The following ZNF44 variants were observed in gnomAD, a reference collection of about 807,000 sequenced individuals.
ZNF44 encodes the protein gonadotropin inducible transcription repressor-2.
A neutral mutation model predicts 11.7 loss-of-function variants in ZNF44; 9 were observed. The ratio of observed to expected loss-of-function variants is 0.77; its 90% confidence interval spans 0.46 to 1.35. The LOEUF is 1.35. Ranked by LOEUF, ZNF44 falls within the 40% of genes most tolerant of loss-of-function variation. The pLI, the probability that ZNF44 is intolerant of heterozygous loss-of-function variation, is 0.00. For missense variants in ZNF44, 696 were observed against 743.1 expected, an observed-to-expected ratio of 0.94 and a Z score of 0.74; for synonymous variants, 224 against 242.7, an observed-to-expected ratio of 0.92 and a Z score of 0.72.
Position 12,274,064 on chromosome 19 carries a change from C to A in ZNF44, c.192-1G>T. On this transcript the variant is annotated splice_acceptor_variant, in intron 3 of 3. Transcript: ENST00000355684. LOFTEE classifies it high-confidence loss of function. ...ACCAAATCTCTCTACCACATCACAC[C>A]TGTAAAAAATGAAAAGTACATTACT... 1.9e-6 allele frequency: 3 copies of A among 1,595,572 alleles called. No individual in the cohort carries two copies. Among genetic ancestry groups the A allele is most frequent in the Non-Finnish European group, 2.6e-6 (3 of 1,170,714 alleles).
intron 1 of ZNF44, among the ~76,000 whole-genome samples, chr19:12,286,349 T>C (rs952455901): frequency 2.2e-4 from 34 of 151,800 alleles, no homozygotes; most frequent in East Asian, 3.9e-4. Flanking sequence ...AAACAGGCCA[T>C]TGGAGGCCGG....
Position 12,274,047 on chromosome 19 carries a change from T to C in ZNF44, c.208A>G (p.Arg70Gly). 6.2e-7 allele frequency: 1 copy of C among 1,611,732 alleles called. No individual in the cohort carries two copies. The highest frequency in any genetic ancestry group is 8.5e-7 in the Non-Finnish European group (1 of 1,178,272). Residue 70 changes from arginine (R) to glycine (G), a missense_variant, in exon 4 of 4, where the codon AGA becomes GGA. Arg to Gly is a moderately radical substitution (Grantham distance 125). Transcript: ENST00000355684. Reference sequence around the variant, plus strand: ...CTACCATCTTTACTTTTACCAAATCTCTCTACCACATCACACCTGTAAAAA... The same window carrying C: ...CTACCATCTTTACTTTTACCAAATCCCTCTACCACATCACACCTGTAAAAA... ...RRNPRCDVVE[R>G]FGKSKDGSQC...
intron 5 of ZNF44, among the ~76,000 whole-genome samples, chr19:12,261,829 C>T (rs535706483): frequency 6.6e-6 from 1 of 152,156 alleles, no homozygotes; most frequent in Non-Finnish European, 1.5e-5. Flanking sequence ...TAAGTTTTCT[C>T]AACCCACACT....
At chr19:12,290,697 C>A (rs1339066870) in intron 1 of ZNF44, among the ~76,000 whole-genome samples, 1 of 142,566 alleles carries the variant, frequency 7.0e-6, no homozygotes, top group East Asian at 2.1e-4. Context: ...GAGACTCTAC[C>A]TCAAATAAAT....
intron 1 of ZNF44, chr19:12,293,376 C>G (rs1399713666): frequency 6.5e-7 from 1 of 1,535,980 alleles, no homozygotes; most frequent in Admixed American, 2.0e-5. Context: ...AACACAGGGC[C>G]TGGAAAAGAT....
At chr19:12,294,104 T>C (rs1002416646) in intron 1 of ZNF44, among the ~76,000 whole-genome samples, 3 of 152,156 alleles carry the variant, frequency 2.0e-5, no homozygotes, top group African/African-American at 4.8e-5. Context: ...GTCTAAGTTC[T>C]TTCTCAGATC....
intron 5 of ZNF44, among the ~76,000 whole-genome samples, chr19:12,253,872 G>C (rs919389242): frequency 2.0e-4 from 31 of 152,158 alleles, no homozygotes; most frequent in Non-Finnish European, 3.4e-4. Flanking sequence ...CCAGCTACTC[G>C]GGAGGCTGAT....
chr19:12,248,923 TCACTCTGTCACCCAGGCTA>T lies in ZNF44; in HGVS notation c.*187-264_*187-246del, dbSNP rs556528663. Among the ~76,000 whole-genome samples the T allele has an allele frequency of 5.3e-5, 8 of 149,956 alleles. No individual in the cohort carries two copies. The South Asian group carries it at 1.5e-3, about 28-fold the overall frequency. On this transcript the variant is annotated intron_variant and NMD_transcript_variant, in intron 7 of 7. Transcript: ENST00000393337. ...TTTTTTTTTTTTTTGAGACGGAGTCTCACTCTGTCACCCAGGCTACACTCTGTCGCCCAGGCTGGAGTGC... is the reference window on the plus strand; with the variant it reads ...TTTTTTTTTTTTTTGAGACGGAGTCTCACTCTGTCGCCCAGGCTGGAGTGC...
intron 5 of ZNF44, among the ~76,000 whole-genome samples, chr19:12,261,816 C>A (rs989415327): frequency 6.6e-6 from 1 of 152,096 alleles, no homozygotes; most frequent in Non-Finnish European, 1.5e-5. Flanking sequence ...GATATTCTAG[C>A]AGTAAGTTTT....
chr19:12,278,431 G>A (rs1441408770), intron 1 of ZNF44, among the ~76,000 whole-genome samples: 1 of 152,186 alleles, frequency 6.6e-6, no homozygotes, highest in Non-Finnish European at 1.5e-5. Context: ...TTCTGTGTGT[G>A]TGTGTCTTTA....
chr19:12,292,265 G>T (rs546209742), intron 1 of ZNF44, among the ~76,000 whole-genome samples: 2 of 152,030 alleles, frequency 1.3e-5, no homozygotes, highest in Non-Finnish European at 2.9e-5. Flanking sequence ...AGCCATGATG[G>T]TGCCACTACA....
intron 5 of ZNF44, chr19:12,266,429 C>G (rs1390051762): frequency 1.3e-6 from 1 of 777,682 alleles, no homozygotes; most frequent in African/African-American, 1.9e-5. Context: ...GAAAAAAAAC[C>G]CAAACCCACG....
Position 12,273,518 on chromosome 19 carries a change from A to AT in ZNF44, c.736dup (p.Ile246AsnfsTer9). ...TTCATACGGTTTCTCCCCAGTGTGT[A>AT]TTTTTTCATGTCTTAGATAGGAACT... On this transcript the variant is annotated frameshift_variant, in exon 4 of 4. Coordinates refer to ENST00000355684, the MANE Select transcript of ZNF44 (RefSeq NM_016264.4). LOFTEE classifies it low-confidence loss of function (END_TRUNC). 1.2e-6 allele frequency: 2 copies of AT among 1,613,372 alleles called. No individual in the cohort carries two copies. The highest frequency in any genetic ancestry group is 1.3e-5 in the African/African-American group (1 of 74,750).
downstream of ZNF44, among the ~76,000 whole-genome samples, chr19:12,245,185 G>A (rs1411487235): frequency 6.6e-6 from 1 of 152,006 alleles, no homozygotes; most frequent in Non-Finnish European, 1.5e-5. Context: ...TATGCAAATG[G>A]TAATACTGAC....
chr19:12,287,613 T>C (rs1244849210), intron 1 of ZNF44, among the ~76,000 whole-genome samples: 1 of 152,214 alleles, frequency 6.6e-6, no homozygotes, highest in African/African-American at 2.4e-5. Flanking sequence ...TCCCATTCCA[T>C]CCATATTGTT....
chr19:12,273,845 G>C lies in ZNF44; in HGVS notation c.410C>G (p.Ala137Gly). 1 of 1,614,148 alleles carries C rather than the reference G, an allele frequency of 6.2e-7. No individual in the cohort carries two copies. The highest frequency in any genetic ancestry group is 8.5e-7 in the Non-Finnish European group (1 of 1,180,026). The stretch of plus-strand genomic sequence containing the variant: ...CTGCTTATGTGTATATGACTTCTCT[G>C]CATATTCATGACACTCCCGGTGTTT... ...GHKHRECHEY[A>G]EKSYTHKQCG... The change falls in exon 4 of 4, where the codon GCA becomes GGA. Residue 137 changes from alanine (A) to glycine (G), a missense_variant. Ala to Gly is a moderately conservative substitution (Grantham distance 60). Coordinates refer to ENST00000355684, the MANE Select transcript of ZNF44 (RefSeq NM_016264.4).
intron 5 of ZNF44, among the ~76,000 whole-genome samples, chr19:12,264,703 CAA>C (rs1373400621): frequency 6.6e-6 from 1 of 151,938 alleles, no homozygotes; most frequent in African/African-American, 2.4e-5. Context: ...TTATTATAAA[CAA>C]TTTTTTTTTA....
intron 1 of ZNF44, among the ~76,000 whole-genome samples, chr19:12,278,030 G>C (rs1237301094): frequency 6.6e-6 from 1 of 152,194 alleles, no homozygotes; most frequent in Non-Finnish European, 1.5e-5. Context: ...AAGGTGTTGG[G>C]AACAGGCCCC....
chr19:12,235,330 C>A (rs182776690), intron 1 of ZNF44, among the ~76,000 whole-genome samples: 1 of 152,300 alleles, frequency 6.6e-6, no homozygotes, highest in African/African-American at 2.4e-5. Context: ...GATCGCGCCA[C>A]TGCAGTCCGA....
Sources: allele counts gnomAD v4.1 joint callset (sites outside exome capture counted in the v4.1 genomes callset), GRCh38; gene constraint gnomAD v4.1.1; transcripts MANE v1.5; gene names NCBI Gene and HGNC (gene_info 2026-07-23, HGNC 2026-07-21).